Variants in DTNA observed in about 807,000 individuals in gnomAD.
DTNA encodes the protein dystrophin-related protein 3.
In DTNA, 43 loss-of-function variants were observed where a neutral mutation model predicts 100.7. The observed-to-expected ratio is 0.43, with a 90% CI of 0.33 to 0.55. The LOEUF is 0.55. DTNA is among the 20% of genes least tolerant of loss of function. The pLI is 0.04. For synonymous variants in DTNA, 349 were observed against 347.9 expected (o/e 1.00, Z -0.04); for missense variants, 798 against 953.9 (o/e 0.84, Z 2.15).
At chr18:34,616,898 A>G (rs909688045) in intron 1 of DTNA, among the ~76,000 whole-genome samples, 11 of 152,116 alleles carry the variant, frequency 7.2e-5, no homozygotes, top group African/African-American at 2.7e-4. Flanking sequence ...TGTGAATGGG[A>G]TTGAGTTCTT....
upstream of DTNA, among the ~76,000 whole-genome samples, chr18:34,709,148 A>G (rs2082478114): frequency 1.3e-5 from 2 of 152,208 alleles, no homozygotes; most frequent in African/African-American, 2.4e-5. Context: ...TTCAGATGCC[A>G]TCTTTATCCA....
intron 1 of DTNA, among the ~76,000 whole-genome samples, chr18:34,556,497 A>C (rs1275369548): frequency 6.6e-6 from 1 of 151,838 alleles, no homozygotes; most frequent in Non-Finnish European, 1.5e-5. Flanking sequence ...ATGATTTTGC[A>C]GCGGCTGGTA....
intron 1 of DTNA, among the ~76,000 whole-genome samples, chr18:34,598,821 G>A (rs371713717): frequency 1.0e-3 from 155 of 152,132 alleles, no homozygotes; most frequent in African/African-American, 3.5e-3. Flanking sequence ...AGCCGAGATC[G>A]CGCCACTGCA....
At chr18:34,567,286 A>G (rs2047169341) in intron 1 of DTNA, among the ~76,000 whole-genome samples, 1 of 152,212 alleles carries the variant, frequency 6.6e-6, no homozygotes, top group African/African-American at 2.4e-5. Flanking sequence ...AACTGAGATT[A>G]TGGTAAGTAT....
chr18:34,652,609 G>C (rs2060587592), intron 1 of DTNA, among the ~76,000 whole-genome samples: 1 of 152,180 alleles, frequency 6.6e-6, no homozygotes, highest in Admixed American at 6.5e-5. Flanking sequence ...CCAACATATA[G>C]AGGGTGCCAT....
intron 1 of DTNA, among the ~76,000 whole-genome samples, chr18:34,616,553 T>G (rs1479796056): frequency 6.6e-6 from 1 of 152,182 alleles, no homozygotes; most frequent in Non-Finnish European, 1.5e-5. Context: ...TGGTTTAAAG[T>G]TGGGTAATGT....
intron 13 of DTNA, among the ~76,000 whole-genome samples, chr18:34,843,324 T>A (rs888194302): frequency 9.2e-5 from 14 of 152,254 alleles, no homozygotes; most frequent in South Asian, 6.2e-4. Context: ...AAAATTTTTT[T>A]AAAAACTTAA....
At position 34,889,225 on chromosome 18, in the gene DTNA, C is replaced by T. The variant is rs1012291552; in HGVS notation, c.*1491C>T. 1.0e-6 allele frequency: 1 copy of T among 985,362 alleles called. No homozygotes were observed. The highest frequency in any genetic ancestry group is 1.2e-6 in the Non-Finnish European group (1 of 829,928). 61.0% of individuals were successfully genotyped at this position (985,362 alleles called of 1,614,324 possible). A position where few individuals can be genotyped will look rare whatever the true frequency, so the allele number is the denominator to read the frequency against. ...CTCTCCTTTAAAAGAAAGGAGAGAA[C>T]ATTTTAGAACAATAGTTCTCAAAGT... is the stretch of plus-strand genomic sequence containing the variant. On this transcript the variant is annotated 3_prime_UTR_variant, in exon 23 of 23. Coordinates refer to ENST00000444659, the MANE Select transcript of DTNA (RefSeq NM_001386795.1).
Position 34,567,946 on chromosome 18 carries a change from T to C in DTNA, c.-2+74432T>C, listed in dbSNP as rs115686334. On this transcript the variant is annotated intron_variant, in intron 1 of 19. Coordinates refer to the DTNA transcript ENST00000283365. ...TGCCGGGTTTTTAAAAATACAATTT[T>C]ATGTTATTTTCCTGCATGTTGCAAT... 2.9e-3 allele frequency among the ~76,000 whole-genome samples: 442 copies of C among 152,338 alleles called. 1 individual carries two copies. Among genetic ancestry groups the C allele is most frequent in the African/African-American group, 0.01 (424 of 41,584 alleles).
chr18:34,551,678 G>A (rs1190342900), intron 1 of DTNA, among the ~76,000 whole-genome samples: 1 of 152,078 alleles, frequency 6.6e-6, no homozygotes, highest in Non-Finnish European at 1.5e-5. Context: ...ATAATATCTA[G>A]AGTTTTAGGC....
At chr18:34,704,052 C>T (rs1013105761) in intron 1 of DTNA, among the ~76,000 whole-genome samples, 2 of 152,078 alleles carry the variant, frequency 1.3e-5, no homozygotes, top group Non-Finnish European at 2.9e-5. Flanking sequence ...TTAATTTTTT[C>T]TAACTTGCTT....
chr18:34,743,708 C>T (rs1449029456), intron 1 of DTNA, among the ~76,000 whole-genome samples: 1 of 152,042 alleles, frequency 6.6e-6, no homozygotes, highest in African/African-American at 2.4e-5. Flanking sequence ...AATAATTTTG[C>T]AGAAACATAT....
chr18:34,682,162 A>G (rs371955845), intron 1 of DTNA, among the ~76,000 whole-genome samples: 298 of 152,204 alleles, frequency 2.0e-3, no homozygotes, highest in African/African-American at 6.6e-3. Context: ...ATAATATTCC[A>G]CTGCCTGGAT....
chr18:34,722,604 C>T (rs2085588095), intron 1 of DTNA, among the ~76,000 whole-genome samples: 1 of 149,642 alleles, frequency 6.7e-6, no homozygotes, highest in South Asian at 2.1e-4. Context: ...TATATATATA[C>T]ATACACACAC....
intron 1 of DTNA, among the ~76,000 whole-genome samples, chr18:34,606,452 C>T (rs757406550): frequency 1.3e-5 from 2 of 152,102 alleles, no homozygotes; most frequent in Admixed American, 6.5e-5. Context: ...AACCAAGACT[C>T]GTATCAAAAT....
chr18:34,520,524 C>T (rs1174595840), intron 1 of DTNA, among the ~76,000 whole-genome samples: 2 of 152,168 alleles, frequency 1.3e-5, no homozygotes, highest in East Asian at 1.9e-4. Flanking sequence ...CATGGTGGCA[C>T]ATGCCTGTAA....
chr18:34,761,000 T>A (rs905326917), intron 2 of DTNA, among the ~76,000 whole-genome samples: 3 of 152,142 alleles, frequency 2.0e-5, no homozygotes, highest in African/African-American at 7.2e-5. Context: ...CTTAGCTCAA[T>A]GAGGGATACT....
At chr18:34,838,621 A>G in intron 12 of DTNA, 124 bp from the exon 13 acceptor site, 1 of 783,828 alleles carries the variant, frequency 1.3e-6, no homozygotes, top group South Asian at 1.4e-5. Flanking sequence ...ATCACTTACT[A>G]CCCTTCCTTT....
intron 3 of DTNA, among the ~76,000 whole-genome samples, chr18:34,781,648 C>A (rs2094327615): frequency 6.6e-6 from 1 of 151,986 alleles, no homozygotes; most frequent in Non-Finnish European, 1.5e-5. Context: ...ATTTCCCAAG[C>A]AATTTTCTAT....
Sources: gnomAD v4.1 joint callset for allele counts (sites outside exome capture counted in the v4.1 genomes callset) on GRCh38, gnomAD v4.1.1 for gene constraint, MANE v1.5 for transcripts, NCBI Gene and HGNC (gene_info 2026-07-23, HGNC 2026-07-21) for gene names.